Variants in HRH1 observed in about 807,000 individuals in gnomAD.
HRH1 encodes histamine receptor H1, also known as histamine H1 receptor.
A neutral mutation model predicts 10.3 loss-of-function variants in HRH1; 6 were observed. The ratio of observed to expected loss-of-function variants is 0.58; its 90% confidence interval spans 0.32 to 1.15. The LOEUF (loss-of-function observed/expected upper bound fraction) is 1.15, where lower values mean the gene tolerates loss of function less well. HRH1 is among the 50% of genes most tolerant of loss of function. The probability of loss-of-function intolerance (pLI) is 0.05; values close to 1 mark genes in which losing one functional copy is unlikely to be tolerated. For synonymous variants in HRH1, 242 were observed against 236.7 expected, an observed-to-expected ratio of 1.02 and a Z score of -0.21; for missense variants, 514 against 615.3, an observed-to-expected ratio of 0.84 and a Z score of 1.74.
intron 1 of HRH1, among the ~76,000 whole-genome samples, chr3:11,170,868 T>C (rs1937138105): frequency 1.3e-5 from 2 of 152,146 alleles, no homozygotes; most frequent in South Asian, 2.1e-4. Context: ...TGAAATAGCA[T>C]GGTGTGTGCA....
intron 1 of HRH1, among the ~76,000 whole-genome samples, chr3:11,180,913 C>A (rs1212190212): frequency 6.8e-6 from 1 of 146,414 alleles, no homozygotes. Flanking sequence ...CTGCTATGAA[C>A]AAGTTTCTGT....
At chr3:11,248,642 C>T (rs1939552862) in intron 1 of HRH1, among the ~76,000 whole-genome samples, 1 of 152,228 alleles carries the variant, frequency 6.6e-6, no homozygotes, top group Non-Finnish European at 1.5e-5. Flanking sequence ...CTTGAAAAGG[C>T]TTGGTTTCAC....
chr3:11,198,791 A>G (rs1418233906), intron 1 of HRH1, among the ~76,000 whole-genome samples: 1 of 151,904 alleles, frequency 6.6e-6, no homozygotes, highest in African/African-American at 2.4e-5. Flanking sequence ...CATAATAACC[A>G]TAAGAAGATA....
chr3:11,236,910 C>G (rs767967160), intron 1 of HRH1, among the ~76,000 whole-genome samples: 1 of 152,208 alleles, frequency 6.6e-6, no homozygotes. Context: ...GGAGCTCTCT[C>G]TTATAAATGC....
chr3:11,166,009 A>T (rs914237245), intron 1 of HRH1, among the ~76,000 whole-genome samples: 2 of 152,090 alleles, frequency 1.3e-5, no homozygotes, highest in African/African-American at 4.8e-5. Context: ...TGAGGTCAGG[A>T]CTATGGTGAT....
At chr3:11,183,237 A>G (rs1937390614) in intron 1 of HRH1, among the ~76,000 whole-genome samples, 1 of 152,188 alleles carries the variant, frequency 6.6e-6, no homozygotes, top group Admixed American at 6.5e-5. Flanking sequence ...GGGGACAAGG[A>G]TTCCTTGGGG....
At chr3:11,240,510 T>G (rs1315467557) in intron 1 of HRH1, among the ~76,000 whole-genome samples, 1 of 151,922 alleles carries the variant, frequency 6.6e-6, no homozygotes, top group Non-Finnish European at 1.5e-5. Flanking sequence ...AGTCCTCTGT[T>G]CTTAGTAGCT....
chr3:11,179,944 G>A (rs566210822), intron 1 of HRH1, among the ~76,000 whole-genome samples: 1 of 151,728 alleles, frequency 6.6e-6, no homozygotes, highest in East Asian at 2.0e-4. Flanking sequence ...CTAATTTTTT[G>A]TAGAGATGGG....
intron 1 of HRH1, among the ~76,000 whole-genome samples, chr3:11,222,406 C>T (rs1245849156): frequency 6.6e-6 from 1 of 152,112 alleles, no homozygotes; most frequent in Non-Finnish European, 1.5e-5. Flanking sequence ...GATTATATAT[C>T]CCAGGTGTTG....
At position 11,227,252 on chromosome 3, in the gene HRH1, A is replaced by T. The variant is rs529862988; in HGVS notation, c.-35-31751A>T. On this transcript the variant is annotated intron_variant, in intron 1 of 1. Coordinates refer to ENST00000431010, the MANE Select transcript of HRH1 (RefSeq NM_001098212.2). ...GAGCATGGAACCGTAGTGGTTGGGA[A>T]GGAAATGCCATTTGCCTATGGGGTG... 6.0e-5 allele frequency among the ~76,000 whole-genome samples: 9 copies of T among 150,070 alleles called. No homozygotes were observed. In the East Asian group the frequency reaches 1.7e-3, roughly 29 times the overall value.
At chr3:11,143,650 A>G (rs568190034) in intron 1 of HRH1, among the ~76,000 whole-genome samples, 1 of 152,266 alleles carries the variant, frequency 6.6e-6, no homozygotes, top group South Asian at 2.1e-4. Context: ...TCCCTTGTAG[A>G]GTAGTAGATG....
At chr3:11,164,342 A>G (rs1936989173) in intron 1 of HRH1, among the ~76,000 whole-genome samples, 1 of 152,164 alleles carries the variant, frequency 6.6e-6, no homozygotes, top group Non-Finnish European at 1.5e-5. Context: ...GGGCGTGAAG[A>G]ACGAAGGGAG....
rs779218085 is a variant in HRH1 at position 11,259,779 on chromosome 3, G to A, written c.742G>A (p.Ala248Thr). ...KLRPENPKGD[A>T]KKPGKESPWE... is the part of the protein sequence containing the mutation. ...GAGGCCAGAGAACCCCAAGGGGGAT[G>A]CCAAGAAACCAGGGAAGGAGTCTCC... The change falls in exon 2 of 2, where the codon GCC becomes ACC. Residue 248 changes from alanine to threonine, a missense_variant. Physicochemically the swap from Ala to Thr is moderately conservative, Grantham distance 58. Coordinates refer to ENST00000431010, the MANE Select transcript of HRH1 (RefSeq NM_001098212.2). This position sits in a 1 kb window ranked among gnomAD's most constrained non-coding sequence, Gnocchi z 4.6. The A allele has an allele frequency of 6.2e-7, 1 of 1,614,010 alleles. No individual in the cohort carries two copies. Among genetic ancestry groups the A allele is most frequent in the Admixed American group, 1.7e-5 (1 of 60,022 alleles).
intron 1 of HRH1, among the ~76,000 whole-genome samples, chr3:11,164,792 C>T (rs142144081): frequency 1.3e-5 from 2 of 152,280 alleles, no homozygotes; most frequent in Admixed American, 6.5e-5. Flanking sequence ...GTTCACTCCT[C>T]GGTCAGATGC....
chr3:11,245,122 G>A (rs1459002775), intron 1 of HRH1, among the ~76,000 whole-genome samples: 1 of 152,142 alleles, frequency 6.6e-6, no homozygotes, highest in Non-Finnish European at 1.5e-5. Context: ...GGAGACCGAG[G>A]CAGGCAGATC....
intron 1 of HRH1, among the ~76,000 whole-genome samples, chr3:11,203,295 G>A (rs1029419132): frequency 1.3e-5 from 2 of 152,196 alleles, no homozygotes. Context: ...GCATGGTATG[G>A]TAAGAGTATA....
At chr3:11,144,129 G>A (rs1936353212) in intron 1 of HRH1, among the ~76,000 whole-genome samples, 1 of 151,996 alleles carries the variant, frequency 6.6e-6, no homozygotes, top group South Asian at 2.1e-4. Flanking sequence ...AACCTCTATG[G>A]AAACCAGTAT....
chr3:11,223,045 C>G (rs866388625), intron 1 of HRH1, among the ~76,000 whole-genome samples: 1 of 151,370 alleles, frequency 6.6e-6, no homozygotes, highest in Non-Finnish European at 1.5e-5. Flanking sequence ...ATTAGCTGGG[C>G]ATGGTGGCGC....
At chr3:11,220,827 T>C (rs941286466) in intron 1 of HRH1, among the ~76,000 whole-genome samples, 1 of 152,276 alleles carries the variant, frequency 6.6e-6, no homozygotes, top group South Asian at 2.1e-4. Context: ...GTACACATTA[T>C]TTTGCTGCAT....
Sources: allele counts gnomAD v4.1 joint callset (sites outside exome capture counted in the v4.1 genomes callset), GRCh38; gene constraint gnomAD v4.1.1; non-coding constraint Gnocchi (gnomAD v3.1); transcripts MANE v1.5; gene names NCBI Gene and HGNC (gene_info 2026-07-23, HGNC 2026-07-21).